SGCG: variants seen among roughly 807,000 people sequenced by gnomAD.
SGCG encodes gamma-sarcoglycan.
A neutral mutation model predicts 29.3 loss-of-function variants in SGCG; 26 were observed. The ratio of observed to expected loss-of-function variants is 0.89; its 90% CI spans 0.65 to 1.23. The LOEUF is 1.23. SGCG is among the 50% of genes most tolerant of loss of function. SGCG has a pLI of 0.00. For missense variants in SGCG, 353 were observed against 356.0 expected, an observed-to-expected ratio of 0.99 and a Z score of 0.07; for synonymous variants, 145 against 129.7, an observed-to-expected ratio of 1.12 and a Z score of -0.80.
intron 2 of SGCG, among the ~76,000 whole-genome samples, chr13:23,211,481 A>G (rs979076422): frequency 2.7e-5 from 4 of 149,590 alleles, no homozygotes; most frequent in African/African-American, 9.9e-5. Context: ...GGAGAGCTTG[A>G]CCCCCCCTTT....
intron 6 of SGCG, among the ~76,000 whole-genome samples, chr13:23,315,609 T>C (rs533815): frequency 0.17 from 25,725 of 152,164 alleles, 2,812 homozygotes; most frequent in African/African-American, 0.31. Context: ...AGCCCCTTTC[T>C]AGGACATCCC....
chr13:23,208,414 T>C (rs1878063071), intron 2 of SGCG, among the ~76,000 whole-genome samples: 1 of 151,940 alleles, frequency 6.6e-6, no homozygotes. Context: ...CCAGATAACA[T>C]TAGACGAGAA....
intron 6 of SGCG, among the ~76,000 whole-genome samples, chr13:23,310,103 T>C (rs1882512315): frequency 8.9e-6 from 1 of 112,936 alleles, no homozygotes; most frequent in Non-Finnish European, 2.0e-5. Flanking sequence ...TTTTTTTTTT[T>C]TTAGACGGAG....
intron 5 of SGCG, 64 bp downstream of exon 5, chr13:23,279,542 A>G (rs1881222338): frequency 3.3e-6 from 5 of 1,510,532 alleles, no homozygotes; most frequent in African/African-American, 2.8e-5. Context: ...AACACATTGT[A>G]CTATTGACAA....
At chr13:23,307,389 C>T (rs1882398165) in intron 6 of SGCG, among the ~76,000 whole-genome samples, 2 of 152,152 alleles carry the variant, frequency 1.3e-5, no homozygotes. Flanking sequence ...CTGTGAAGTA[C>T]AGTCTTGATG....
Position 23,324,688 on chromosome 13 carries a change from AAG to A in SGCG, c.*148_*149del, listed in dbSNP as rs1174886154. On this transcript the variant is annotated 3_prime_UTR_variant, in exon 8 of 8. Coordinates refer to ENST00000218867, the MANE Select transcript of SGCG (RefSeq NM_000231.3). ...CTCAGAAAAAATTATGTGCCAGTGA[AAG>A]TGTTTGGACAAAAACTACATGATCT... is the stretch of plus-strand genomic sequence containing the variant. 3.4e-4 allele frequency: 244 copies of A among 720,878 alleles called. 1 individual carries two copies. Among genetic ancestry groups the A allele is most frequent in the South Asian group, 1.9e-3 (128 of 65,856 alleles). The allele number at this position is 720,878 out of a possible 1,614,324, so 44.7% of individuals were successfully genotyped here. A position where few individuals can be genotyped will look rare whatever the true frequency, so the allele number is the denominator to read the frequency against.
chr13:23,255,830 A>G (rs1473134687), intron 4 of SGCG, among the ~76,000 whole-genome samples: 1 of 152,216 alleles, frequency 6.6e-6, no homozygotes. Flanking sequence ...ACTTGCTTCC[A>G]AGAAACAACA....
chr13:23,272,269 G>A (rs1330639799), intron 4 of SGCG, among the ~76,000 whole-genome samples: 1 of 152,098 alleles, frequency 6.6e-6, no homozygotes, highest in Non-Finnish European at 1.5e-5. Context: ...TCTGTATTAA[G>A]TAAAATACTT....
chr13:23,281,204 G>C (rs1383045422), intron 5 of SGCG, among the ~76,000 whole-genome samples: 2 of 152,104 alleles, frequency 1.3e-5, no homozygotes, highest in African/African-American at 2.4e-5. Context: ...TCCAGGCGTA[G>C]TGGTGCGTGC....
chr13:23,169,589 G>A, the SGCG span, among the ~76,000 whole-genome samples: 1 of 151,886 alleles, frequency 6.6e-6, no homozygotes, highest in Non-Finnish European at 1.5e-5. Flanking sequence ...TGAGGCAGGA[G>A]AATTGCTTGA....
chr13:23,227,873 C>G (rs184391324), intron 2 of SGCG, among the ~76,000 whole-genome samples: 109 of 152,270 alleles, frequency 7.2e-4, no homozygotes, highest in Non-Finnish European at 1.3e-3. Flanking sequence ...TACAGTGGCT[C>G]AATCACAGCT....
chr13:23,225,684 G>A (rs187187021), intron 2 of SGCG, among the ~76,000 whole-genome samples: 1 of 151,908 alleles, frequency 6.6e-6, no homozygotes. Flanking sequence ...GTTTCTCCAA[G>A]GAGCTCTTGC....
At chr13:23,217,852 C>T (rs2137522446) in intron 2 of SGCG, among the ~76,000 whole-genome samples, 1 of 151,952 alleles carries the variant, frequency 6.6e-6, no homozygotes, top group Non-Finnish European at 1.5e-5. Flanking sequence ...ACTCAATGGC[C>T]CTATATGAGA....
chr13:23,188,388 C>T (rs1311025375), intron 1 of SGCG, among the ~76,000 whole-genome samples: 10 of 132,998 alleles, frequency 7.5e-5, no homozygotes, highest in Admixed American at 6.2e-4. Context: ...TGCAATGGAG[C>T]GATCTCGGCT....
intron 5 of SGCG, among the ~76,000 whole-genome samples, chr13:23,281,942 A>T (rs764840775): frequency 2.6e-5 from 4 of 152,178 alleles, no homozygotes; most frequent in Non-Finnish European, 4.4e-5. Flanking sequence ...TTATCCTTTT[A>T]AAGGACAAGT....
chr13:23,241,759 A>G (rs1018731734), intron 3 of SGCG, among the ~76,000 whole-genome samples: 1 of 152,216 alleles, frequency 6.6e-6, no homozygotes, highest in Non-Finnish European at 1.5e-5. Context: ...ATTTATCCCA[A>G]GAATGCCAGG....
chr13:23,231,253 T>G (rs1879098485), intron 2 of SGCG, among the ~76,000 whole-genome samples: 1 of 152,192 alleles, frequency 6.6e-6, no homozygotes, highest in African/African-American at 2.4e-5. Flanking sequence ...TTTTCTTTTT[T>G]GTTGTGTCTC....
At chr13:23,182,004 A>C (rs1388496264) in intron 1 of SGCG, among the ~76,000 whole-genome samples, 4 of 152,210 alleles carry the variant, frequency 2.6e-5, no homozygotes, top group Non-Finnish European at 5.9e-5. Context: ...AGGTTCTAGG[A>C]TTCATTTCAG....
intron 4 of SGCG, among the ~76,000 whole-genome samples, chr13:23,270,716 T>C (rs541750041): frequency 1.3e-5 from 2 of 152,372 alleles, no homozygotes; most frequent in East Asian, 1.9e-4. Flanking sequence ...AGAATCTTTT[T>C]TTCATTGCCT....
Sources: gnomAD v4.1 joint callset for allele counts (sites outside exome capture counted in the v4.1 genomes callset) on GRCh38, gnomAD v4.1.1 for gene constraint, MANE v1.5 for transcripts, NCBI Gene and HGNC (gene_info 2026-07-23, HGNC 2026-07-21) for gene names.